The following APLP2 variants were observed in gnomAD, a reference collection of about 807,000 sequenced individuals.
APLP2 encodes the protein CDEI box-binding protein.
Under a neutral mutation model 89.9 loss-of-function variants are expected in APLP2, and 53 were observed. That is an observed-to-expected ratio of 0.59 (90% CI 0.47 to 0.74). The LOEUF is 0.74. Among genes scored for constraint, APLP2 ranks in the 30% least tolerant of loss-of-function variants. The probability of loss-of-function intolerance (pLI) is 0.00; values close to 1 mark genes in which losing one functional copy is unlikely to be tolerated. For missense variants in APLP2, 973 were observed against 975.9 expected (o/e 1.00, Z 0.04); for synonymous variants, 372 against 348.6 (o/e 1.07, Z -0.75).
At chr11:130,122,970 T>TG (rs1949993313) in intron 6 of APLP2, among the ~76,000 whole-genome samples, 1 of 152,052 alleles carries the variant, frequency 6.6e-6, no homozygotes, top group African/African-American at 2.4e-5. Context: ...ATTGACCTGC[T>TG]GGTAACAGAT....
chr11:130,128,897 G>T, intron 9 of APLP2, 151 bp from the exon 10 acceptor site: 1 of 775,542 alleles, frequency 1.3e-6, no homozygotes, highest in South Asian at 1.9e-5. Flanking sequence ...GTAGGATGAA[G>T]TAGACTTTGG....
chr11:130,070,210 G>A (rs1940630952), intron 1 of APLP2, 128 bp downstream of exon 1: 1 of 446,156 alleles, frequency 2.2e-6, no homozygotes, highest in Non-Finnish European at 3.3e-6. Flanking sequence ...GCTCTGCGGC[G>A]GGTCTGGCGC....
intron 1 of APLP2, chr11:130,100,570 T>G (rs2135678967): frequency 6.6e-6 from 1 of 152,334 alleles, no homozygotes; most frequent in Admixed American, 6.5e-5. Flanking sequence ...GTTTGGCTCC[T>G]TACCACTATA....
chr11:130,104,650 C>G (rs1034695684), intron 1 of APLP2, among the ~76,000 whole-genome samples: 1 of 152,148 alleles, frequency 6.6e-6, no homozygotes, highest in East Asian at 1.9e-4. Flanking sequence ...CCTTCCTACA[C>G]ATATCTTTAG....
At position 130,141,289 on chromosome 11, in the gene APLP2, A is replaced by G. The variant is rs1408649680; in HGVS notation, c.1924-209A>G. Reference sequence around the variant, plus strand: ...GAAAATGCATACGGGACCAGCTGCCATAATATAGTCTTCCCTCCATACCTG... The same window carrying G: ...GAAAATGCATACGGGACCAGCTGCCGTAATATAGTCTTCCCTCCATACCTG... On this transcript the variant is annotated intron_variant, in intron 14 of 16. Coordinates refer to ENST00000338167, the MANE Select transcript of APLP2 (RefSeq NM_001142276.2). This position sits in a 1 kb window ranked among gnomAD's most constrained non-coding sequence, Gnocchi z 4.2. 4 of 568,840 alleles carry G rather than the reference A, an allele frequency of 7.0e-6. No individual in the cohort carries two copies. The highest frequency in any genetic ancestry group is 3.8e-5 in the African/African-American group (2 of 52,752). The allele number at this position is 568,840 out of a possible 1,614,324, so 35.2% of individuals were successfully genotyped here. A position where few individuals can be genotyped will look rare whatever the true frequency, so the allele number is the denominator to read the frequency against.
intron 11 of APLP2, among the ~76,000 whole-genome samples, chr11:130,132,517 C>T (rs1951039251): frequency 6.6e-6 from 1 of 152,026 alleles, no homozygotes; most frequent in Admixed American, 6.5e-5. Flanking sequence ...AGCAACACAC[C>T]TCGCCGTGTC....
intron 13 of APLP2, chr11:130,137,275 C>T: frequency 6.2e-7 from 1 of 1,613,964 alleles, no homozygotes; most frequent in Non-Finnish European, 8.5e-7. Flanking sequence ...CGGAGTTGTA[C>T]CACCCAATGA....
intron 1 of APLP2, among the ~76,000 whole-genome samples, chr11:130,094,580 G>A (rs182572762): frequency 1.9e-4 from 29 of 152,350 alleles, no homozygotes; most frequent in African/African-American, 6.7e-4. Flanking sequence ...CTGAAAGCTA[G>A]AAGACCTCAA....
At chr11:130,091,101 C>A (rs1448544715) in intron 1 of APLP2, among the ~76,000 whole-genome samples, 63 of 134,614 alleles carry the variant, frequency 4.7e-4, no homozygotes, top group African/African-American at 9.2e-4. Context: ...CTGACCCCCC[C>A]ACCTCCCTCC....
At chr11:130,115,616 G>A (rs1949073077) in intron 3 of APLP2, among the ~76,000 whole-genome samples, 1 of 152,224 alleles carries the variant, frequency 6.6e-6, no homozygotes, top group African/African-American at 2.4e-5. Context: ...TTTGTCCAGT[G>A]ACTTAGGAAA....
chr11:130,072,859 G>A (rs1485453331), intron 1 of APLP2, among the ~76,000 whole-genome samples: 1 of 152,176 alleles, frequency 6.6e-6, no homozygotes, highest in Non-Finnish European at 1.5e-5. Context: ...TCCTCCTTTT[G>A]TAGAGGGAAT....
intron 1 of APLP2, among the ~76,000 whole-genome samples, chr11:130,103,626 A>C (rs1388968359): frequency 6.6e-6 from 1 of 152,204 alleles, no homozygotes; most frequent in Non-Finnish European, 1.5e-5. Context: ...GCCAACAACC[A>C]TAATGAGTAA....
chr11:130,121,117 G>T (rs74568304), intron 4 of APLP2, among the ~76,000 whole-genome samples: 77 of 152,308 alleles, frequency 5.1e-4, no homozygotes, highest in Non-Finnish European at 7.6e-4. Context: ...CCTAAGGCCG[G>T]CATGGAAATC....
intron 9 of APLP2, 85 bp downstream of exon 9, chr11:130,127,925 T>C: frequency 8.7e-7 from 1 of 1,152,928 alleles, no homozygotes; most frequent in Non-Finnish European, 1.3e-6. Flanking sequence ...AAATTAGGAT[T>C]GGACACCACC....
chr11:130,111,188 T>C (rs1284724369), intron 3 of APLP2, among the ~76,000 whole-genome samples: 1 of 152,206 alleles, frequency 6.6e-6, no homozygotes, highest in Non-Finnish European at 1.5e-5. Context: ...TTCGTGACTC[T>C]GTGTTGCTGG....
chr11:130,091,336 T>A (rs1945116336), intron 1 of APLP2, among the ~76,000 whole-genome samples: 1 of 138,562 alleles, frequency 7.2e-6, no homozygotes. Context: ...CCCACCTCCC[T>A]CCCGGACGGG....
chr11:130,088,711 TTAAG>T (rs1287258196), intron 1 of APLP2, among the ~76,000 whole-genome samples: 2 of 152,154 alleles, frequency 1.3e-5, no homozygotes, highest in African/African-American at 4.8e-5. Flanking sequence ...TGTTAAAAAC[TTAAG>T]TATCTCAGTC....
At chr11:130,126,867 G>T in intron 8 of APLP2, 37 bp downstream of exon 8, 1 of 1,612,230 alleles carries the variant, frequency 6.2e-7, no homozygotes, top group Non-Finnish European at 8.5e-7. Flanking sequence ...CATGGTACTT[G>T]GCTTTGGGTA....
In APLP2 at chr11:130,116,531, G is replaced by A. The variant is rs561234671; in HGVS notation, c.404-4175G>A. Among the ~76,000 whole-genome samples the A allele has an allele frequency of 3.4e-3, 521 of 152,104 alleles. 15 individuals carry two copies. The highest frequency in any genetic ancestry group is 8.1e-4 in the Non-Finnish European group (55 of 68,014). Reference sequence around the variant, plus strand: ...TTAAGACAGGGTCGCCGTCACCCAGGCTGGAGTGCAGTGGCGCGATCTTGG... The same window carrying A: ...TTAAGACAGGGTCGCCGTCACCCAGACTGGAGTGCAGTGGCGCGATCTTGG... On this transcript the variant is annotated intron_variant, in intron 3 of 16. Transcript: ENST00000338167.
Sources: allele counts gnomAD v4.1 joint callset (sites outside exome capture counted in the v4.1 genomes callset), GRCh38; gene constraint gnomAD v4.1.1; non-coding constraint Gnocchi (gnomAD v3.1); transcripts MANE v1.5; gene names NCBI Gene and HGNC (gene_info 2026-07-23, HGNC 2026-07-21).